SASH1: variants seen among roughly 807,000 people sequenced by gnomAD.
The protein encoded by SASH1 is SAM and SH3 domain containing 1.
A neutral mutation model predicts 125.2 loss-of-function variants in SASH1; 44 were observed. The observed-to-expected ratio is 0.35, with a 90% confidence interval of 0.28 to 0.45. The LOEUF is 0.45. Among genes scored for constraint, SASH1 ranks in the 20% least tolerant of loss-of-function variants. SASH1 has a pLI of 1.00. For missense variants in SASH1, 1,426 were observed against 1,614.5 expected, an observed-to-expected ratio of 0.88 and a Z score of 2.00; for synonymous variants, 639 against 649.1, an observed-to-expected ratio of 0.98 and a Z score of 0.24.
intron 4 of SASH1, among the ~76,000 whole-genome samples, chr6:148,457,945 GC>G (rs1216341947): frequency 6.6e-6 from 1 of 152,114 alleles, no homozygotes; most frequent in African/African-American, 2.4e-5. Context: ...GAGGGTAACC[GC>G]CCCCATGATT....
chr6:148,433,053 C>G (rs1436412000), intron 2 of SASH1, among the ~76,000 whole-genome samples: 1 of 152,148 alleles, frequency 6.6e-6, no homozygotes, highest in Non-Finnish European at 1.5e-5. Context: ...TTTCATCTTG[C>G]AATACTTGGG....
At chr6:148,493,170 C>T (rs1272378578) in intron 8 of SASH1, among the ~76,000 whole-genome samples, 2 of 152,194 alleles carry the variant, frequency 1.3e-5, no homozygotes, top group African/African-American at 4.8e-5. Context: ...TTTCTGCCAA[C>T]ACCCATGCCC....
intron 1 of SASH1, among the ~76,000 whole-genome samples, chr6:148,322,408 A>G (rs372463557): frequency 6.6e-6 from 1 of 152,202 alleles, no homozygotes; most frequent in African/African-American, 2.4e-5. Flanking sequence ...GTCCTTCTCT[A>G]CATAGTTCTT....
chr6:148,472,176 T>G (rs1778148914), intron 6 of SASH1, among the ~76,000 whole-genome samples: 1 of 152,184 alleles, frequency 6.6e-6, no homozygotes, highest in South Asian at 2.1e-4. Context: ...AGGTTATCAG[T>G]AGATTAAAAA....
chr6:148,449,078 C>CTTTTTCTTTTTCTTTTTTTTTTT, intron 4 of SASH1, among the ~76,000 whole-genome samples: 36 of 88,706 alleles, frequency 4.1e-4, no homozygotes, highest in East Asian at 1.7e-3. Flanking sequence ...CATTTCATTT[C>CTTTTTCTTTTTCTTTTTTTTTTT]TTTTTTTTTT....
At chr6:148,468,808 T>C (rs1777967501) in intron 5 of SASH1, 1 of 428,438 alleles carries the variant, frequency 2.3e-6, no homozygotes, top group African/African-American at 2.1e-5. Context: ...TTGAATATGT[T>C]ATGAGCATTT....
At chr6:148,213,030 C>T in the SASH1 span, among the ~76,000 whole-genome samples, 1 of 152,138 alleles carries the variant, frequency 6.6e-6, no homozygotes, top group African/African-American at 2.4e-5. Flanking sequence ...ATTCTCCTGC[C>T]CCTGCCTGTG....
chr6:148,494,812 T>C (rs1779250648), intron 8 of SASH1, among the ~76,000 whole-genome samples: 1 of 152,308 alleles, frequency 6.6e-6, no homozygotes, highest in South Asian at 2.1e-4. Context: ...TCCAAAACTT[T>C]GGGCCACAGA....
At chr6:148,234,294 C>T in the SASH1 span, among the ~76,000 whole-genome samples, 1 of 151,894 alleles carries the variant, frequency 6.6e-6, no homozygotes, top group South Asian at 2.1e-4. Context: ...TCCCTTTAAA[C>T]CATCTCTTTA....
At position 148,311,562 on chromosome 6, in the gene SASH1, G is replaced by A. The variant is rs565053007; in HGVS notation, n.74+39185G>A. Among the ~76,000 whole-genome samples the A allele has an allele frequency of 2.6e-5, 4 of 152,270 alleles. No individual in the cohort carries two copies. The East Asian group carries it at 7.8e-4, about 30-fold the overall frequency. On this transcript the variant is annotated intron_variant and non_coding_transcript_variant, in intron 1 of 3. Coordinates refer to the SASH1 transcript ENST00000367469. ...CTAACGCCTGTAATCCCAACACTTT[G>A]GGAGGCTGAGGCAGGAGGATTGCTG...
chr6:148,455,271 C>A (rs183445960), intron 4 of SASH1, among the ~76,000 whole-genome samples: 13 of 152,324 alleles, frequency 8.5e-5, no homozygotes, highest in Admixed American at 7.8e-4. Flanking sequence ...CCAGGAGACT[C>A]TTAAGCAGCC....
intron 1 of SASH1, among the ~76,000 whole-genome samples, chr6:148,346,802 A>G (rs1335378691): frequency 2.0e-5 from 3 of 152,198 alleles, no homozygotes; most frequent in Admixed American, 6.5e-5. Context: ...CTGGAAACTA[A>G]TGGTAAACTG....
the SASH1 span, among the ~76,000 whole-genome samples, chr6:148,208,268 G>A: frequency 2.0e-5 from 3 of 152,306 alleles, no homozygotes; most frequent in Non-Finnish European, 2.9e-5. Flanking sequence ...TGGCCAGTGC[G>A]ATGCTAAGGG....
intron 1 of SASH1, among the ~76,000 whole-genome samples, chr6:148,277,009 CAT>C (rs1259417744): frequency 6.6e-6 from 1 of 152,206 alleles, no homozygotes; most frequent in African/African-American, 2.4e-5. Context: ...GCTCTTCAGA[CAT>C]ATTAACTCAT....
At chr6:148,422,059 C>G (rs1785126438) in intron 2 of SASH1, among the ~76,000 whole-genome samples, 1 of 152,278 alleles carries the variant, frequency 6.6e-6, no homozygotes, top group East Asian at 1.9e-4. Context: ...GAAGGCCCTC[C>G]TCTTGGTATA....
chr6:148,259,649 G>A, the SASH1 span, among the ~76,000 whole-genome samples: 66 of 152,198 alleles, frequency 4.3e-4, no homozygotes, highest in African/African-American at 1.5e-3. Context: ...AACTTAATAC[G>A]CTTTCATTCA....
chr6:148,488,245 T>A (rs117146049), intron 8 of SASH1, among the ~76,000 whole-genome samples: 10,049 of 152,280 alleles, frequency 0.066, 444 homozygotes, highest in Non-Finnish European at 0.097. Flanking sequence ...TATACAATAT[T>A]TGTCTTTGTG....
chr6:148,398,838 A>G (rs573917697), intron 2 of SASH1, among the ~76,000 whole-genome samples: 22 of 152,206 alleles, frequency 1.4e-4, no homozygotes, highest in African/African-American at 5.1e-4. Context: ...ACACTGAAGC[A>G]TTATATCTTA....
At chr6:148,354,321 G>A (rs764370177) in intron 1 of SASH1, among the ~76,000 whole-genome samples, 3 of 152,090 alleles carry the variant, frequency 2.0e-5, no homozygotes, top group Non-Finnish European at 4.4e-5. Context: ...GTTTTTTTAT[G>A]TGTCTAAGTG....
Sources: gnomAD v4.1 joint callset for allele counts (sites outside exome capture counted in the v4.1 genomes callset) on GRCh38, gnomAD v4.1.1 for gene constraint, MANE v1.5 for transcripts, NCBI Gene and HGNC (gene_info 2026-07-23, HGNC 2026-07-21) for gene names.